The following EYA1 variants were observed in gnomAD, a reference collection of about 807,000 sequenced individuals.
EYA1 encodes the protein protein phosphatase EYA1.
Under a neutral mutation model 82.0 loss-of-function variants are expected in EYA1, and 16 were observed. The observed-to-expected ratio is 0.20, with a 90% CI of 0.13 to 0.30. EYA1 has a LOEUF of 0.30. Ranked by LOEUF, EYA1 falls within the 10% of genes least tolerant of loss-of-function variation. The pLI, the probability that EYA1 is intolerant of heterozygous loss-of-function variation, is 1.00. For missense variants in EYA1, 633 were observed against 730.7 expected, an observed-to-expected ratio of 0.87 and a Z score of 1.54; for synonymous variants, 261 against 264.4, an observed-to-expected ratio of 0.99 and a Z score of 0.12.
At chr8:71,424,290 A>G (rs1452285326) in intron 2 of EYA1, among the ~76,000 whole-genome samples, 1 of 152,346 alleles carries the variant, frequency 6.6e-6, no homozygotes, top group South Asian at 2.1e-4. Flanking sequence ...TAGTTAATGT[A>G]TTTAATCCTA....
chr8:71,286,797 GTTTTTTTTTTT>G (rs141777395), intron 9 of EYA1, among the ~76,000 whole-genome samples: 5 of 112,488 alleles, frequency 4.4e-5, no homozygotes, highest in Non-Finnish European at 9.4e-5. Context: ...CATATTGGTA[GTTTTTTTTTTT>G]TTTTTTTTTT....
At chr8:71,214,177 C>A (rs909834497) in intron 16 of EYA1, among the ~76,000 whole-genome samples, 1 of 152,070 alleles carries the variant, frequency 6.6e-6, no homozygotes, top group African/African-American at 2.4e-5. Flanking sequence ...TTGCCACCTG[C>A]TAGAATGCTC....
chr8:71,365,400 G>A (rs1038547246), upstream of EYA1, among the ~76,000 whole-genome samples: 2 of 152,012 alleles, frequency 1.3e-5, no homozygotes, highest in African/African-American at 4.8e-5. Context: ...TGCTTCTTAT[G>A]AGATGATTAT....
rs1421127358 is a variant in EYA1 at position 71,244,611 on chromosome 8, C to A, written c.1132G>T (p.Asp378Tyr). Residue 378 changes from aspartate to tyrosine, a missense_variant, in exon 12 of 18, where the codon GAC (aspartate) becomes TAC (tyrosine). Physicochemically the swap from Asp to Tyr is radical, Grantham distance 160. Transcript: ENST00000340726. ...NLADTHLFFN[D>Y]LEECDQVHID... ...TAAAAATTAGAACTTACTTCTAAGT[C>A]ATTAAAAAATAAATGTGTGTCTGCC... The A allele has an allele frequency of 5.7e-6, 9 of 1,577,908 alleles. No individual in the cohort carries two copies. Among genetic ancestry groups the A allele is most frequent in the African/African-American group, 1.4e-5 (1 of 74,046 alleles).
At chr8:71,255,421 G>A (rs796725220) in intron 11 of EYA1, among the ~76,000 whole-genome samples, 30 of 152,270 alleles carry the variant, frequency 2.0e-4, no homozygotes, top group African/African-American at 7.2e-4. Flanking sequence ...GGAATATAGA[G>A]AGAGACCAGA....
At chr8:71,491,050 C>G (rs1195606091) in intron 2 of EYA1, among the ~76,000 whole-genome samples, 1 of 151,952 alleles carries the variant, frequency 6.6e-6, no homozygotes, top group Non-Finnish European at 1.5e-5. Context: ...CACTGAGCAT[C>G]AAAATATTAG....
At chr8:71,491,357 G>A (rs1187982750) in intron 2 of EYA1, among the ~76,000 whole-genome samples, 1 of 152,180 alleles carries the variant, frequency 6.6e-6, no homozygotes, top group Non-Finnish European at 1.5e-5. Context: ...CATTCTGATA[G>A]GGCTACAGAG....
intron 9 of EYA1, among the ~76,000 whole-genome samples, chr8:71,288,041 A>G (rs1563402849): frequency 6.6e-6 from 1 of 152,152 alleles, no homozygotes; most frequent in Non-Finnish European, 1.5e-5. Flanking sequence ...CCAAATCCCT[A>G]GCCACCACTC....
intron 3 of EYA1, among the ~76,000 whole-genome samples, chr8:71,350,864 G>A (rs1051075038): frequency 1.3e-5 from 2 of 152,184 alleles, no homozygotes; most frequent in African/African-American, 4.8e-5. Flanking sequence ...AAGAATCACT[G>A]CTTTGCAAAC....
chr8:71,472,636 G>A (rs940473007), intron 2 of EYA1, among the ~76,000 whole-genome samples: 4 of 151,582 alleles, frequency 2.6e-5, no homozygotes, highest in African/African-American at 9.7e-5. Context: ...ATTGAAGCAC[G>A]GAAAGACTAA....
At chr8:71,307,848 T>C (rs1262899263) in intron 7 of EYA1, among the ~76,000 whole-genome samples, 1 of 152,216 alleles carries the variant, frequency 6.6e-6, no homozygotes, top group African/African-American at 2.4e-5. Flanking sequence ...GTCCAGGTTC[T>C]GCCCTCCTAA....
chr8:71,339,144 C>T (rs1472675105), intron 3 of EYA1, among the ~76,000 whole-genome samples: 1 of 152,110 alleles, frequency 6.6e-6, no homozygotes, highest in Non-Finnish European at 1.5e-5. Flanking sequence ...GTTGCTATTA[C>T]CCCTCATCAG....
intron 12 of EYA1, among the ~76,000 whole-genome samples, chr8:71,238,922 C>T (rs1812157257): frequency 6.6e-6 from 1 of 151,920 alleles, no homozygotes. Context: ...TGTTTGCTAT[C>T]AGTAGAATAT....
chr8:71,426,136 C>T (rs1426925999), intron 2 of EYA1, among the ~76,000 whole-genome samples: 1 of 152,048 alleles, frequency 6.6e-6, no homozygotes, highest in African/African-American at 2.4e-5. Context: ...TTTAGTATGG[C>T]CTAAACTAAT....
intron 2 of EYA1, among the ~76,000 whole-genome samples, chr8:71,425,949 G>T (rs1299351536): frequency 6.6e-6 from 1 of 152,172 alleles, no homozygotes; most frequent in African/African-American, 2.4e-5. Flanking sequence ...GGCAGAAAAG[G>T]TGAAAAGGTC....
chr8:71,365,735 T>A (rs13281937), upstream of EYA1, among the ~76,000 whole-genome samples: 4 of 151,968 alleles, frequency 2.6e-5, no homozygotes, highest in African/African-American at 9.7e-5. Context: ...GTTGGCATTC[T>A]GAATGGTCAC....
intron 12 of EYA1, among the ~76,000 whole-genome samples, chr8:71,240,357 T>C (rs1428527583): frequency 2.6e-5 from 4 of 151,984 alleles, no homozygotes; most frequent in African/African-American, 9.7e-5. Context: ...AGTCTACATA[T>C]TGAAGGCCCC....
At chr8:71,204,939 A>G (rs1458378169) in intron 17 of EYA1, among the ~76,000 whole-genome samples, 3 of 152,198 alleles carry the variant, frequency 2.0e-5, no homozygotes, top group Non-Finnish European at 4.4e-5. Flanking sequence ...ATTAACTATA[A>G]ATGAATTTAT....
intron 7 of EYA1, among the ~76,000 whole-genome samples, chr8:71,302,195 C>G (rs1055204450): frequency 6.6e-6 from 1 of 152,076 alleles, no homozygotes; most frequent in Non-Finnish European, 1.5e-5. Flanking sequence ...TTACGACTTG[C>G]TATTTTCATT....
Sources: allele counts gnomAD v4.1 joint callset (sites outside exome capture counted in the v4.1 genomes callset), GRCh38; gene constraint gnomAD v4.1.1; transcripts MANE v1.5; gene names NCBI Gene and HGNC (gene_info 2026-07-23, HGNC 2026-07-21).